Variants in NUMB observed in about 807,000 individuals in gnomAD.
NUMB encodes protein numb homolog.
NUMB carries 29 observed loss-of-function variants against 59.7 expected under a neutral mutation model. The ratio of observed to expected loss-of-function variants is 0.49; its 90% confidence interval spans 0.36 to 0.66. The LOEUF is 0.66. Ranked by LOEUF, NUMB falls within the 30% of genes least tolerant of loss-of-function variation. The pLI, the probability that NUMB is intolerant of heterozygous loss-of-function variation, is 0.00. For synonymous variants in NUMB, 288 were observed against 288.2 expected (o/e 1.00, Z 0.01); for missense variants, 723 against 822.0 (o/e 0.88, Z 1.47).
chr14:73,395,752 G>A (rs1407039652), intron 2 of NUMB, among the ~76,000 whole-genome samples: 1 of 152,194 alleles, frequency 6.6e-6, no homozygotes, highest in Non-Finnish European at 1.5e-5. Flanking sequence ...GTATTCATAT[G>A]TATAGCTACA....
chr14:73,435,998 T>A (rs1283018245), intron 1 of NUMB, among the ~76,000 whole-genome samples: 1 of 149,898 alleles, frequency 6.7e-6, no homozygotes, highest in Non-Finnish European at 1.5e-5. Flanking sequence ...AGAGCAAGAC[T>A]CTGTTTCAAA....
chr14:73,349,269 T>G (rs954434795), intron 4 of NUMB, among the ~76,000 whole-genome samples: 1 of 151,836 alleles, frequency 6.6e-6, no homozygotes, highest in Non-Finnish European at 1.5e-5. Flanking sequence ...CTGGCCAACA[T>G]GGAGAAACAC....
At chr14:73,288,038 G>A (rs17126584) in intron 8 of NUMB, among the ~76,000 whole-genome samples, 34,337 of 152,080 alleles carry the variant, frequency 0.23, 4,764 homozygotes, top group East Asian at 0.68. Flanking sequence ...CAAATTTCAG[G>A]AGCTTAATGC....
chr14:73,390,638 C>CTTTTTTTTTTTTT lies in NUMB; in HGVS notation c.-101+19286_-101+19298dup, dbSNP rs55831976. Among the ~76,000 whole-genome samples, 57 of 39,414 alleles carry CTTTTTTTTTTTTT rather than the reference C, an allele frequency of 1.4e-3. 10 individuals are homozygous for CTTTTTTTTTTTTT. Among genetic ancestry groups the CTTTTTTTTTTTTT allele is most frequent in the Non-Finnish European group, 2.3e-3 (48 of 21,182 alleles). 25.9% of individuals were successfully genotyped at this position (39,414 alleles called of 152,430 possible). On this transcript the variant is annotated intron_variant, in intron 2 of 12. Transcript: ENST00000555238. ...ATTTCCTTGAGGACAAAAACAAAGT[C>CTTTTTTTTTTTTT]TTTTTTTTTTTTTTTTTTTTTTTTT...
At chr14:73,409,847 A>C (rs1035425077) in intron 2 of NUMB, 90 bp downstream of exon 2, 3 of 152,264 alleles carry the variant, frequency 2.0e-5, no homozygotes, top group Non-Finnish European at 2.9e-5. Context: ...TTGTAAAGGC[A>C]ATAAAATGTT....
intron 2 of NUMB, among the ~76,000 whole-genome samples, chr14:73,401,296 C>T (rs1477280669): frequency 6.6e-6 from 1 of 151,874 alleles, no homozygotes; most frequent in Non-Finnish European, 1.5e-5. Context: ...GTAAGAAAGG[C>T]TGTGGGTTTG....
At chr14:73,350,078 T>TACACACACATAC (rs1555373559) in intron 4 of NUMB, among the ~76,000 whole-genome samples, 3 of 137,698 alleles carry the variant, frequency 2.2e-5, no homozygotes, top group Non-Finnish European at 4.6e-5. Context: ...CATACATACA[T>TACACACACATAC]ACACACACAC....
chr14:73,355,895 A>G (rs1208843597), intron 3 of NUMB, 129 bp from the exon 4 acceptor site: 8 of 645,064 alleles, frequency 1.2e-5, no homozygotes, highest in Admixed American at 3.0e-5. Context: ...TAAGCAATAT[A>G]TAATTATCAT....
At chr14:73,299,797 A>G (rs1367840611) in intron 6 of NUMB, among the ~76,000 whole-genome samples, 1 of 152,166 alleles carries the variant, frequency 6.6e-6, no homozygotes, top group East Asian at 1.9e-4. Context: ...AATAAGACAC[A>G]GGCAGAGCAT....
At chr14:73,287,714 T>C (rs188878952) in intron 8 of NUMB, among the ~76,000 whole-genome samples, 6 of 152,310 alleles carry the variant, frequency 3.9e-5, no homozygotes, top group Non-Finnish European at 8.8e-5. Flanking sequence ...ATGTTGCAAA[T>C]TCCAGCTTAA....
chr14:73,382,983 CA>C (rs1895324436), intron 2 of NUMB, among the ~76,000 whole-genome samples: 1 of 151,916 alleles, frequency 6.6e-6, no homozygotes, highest in African/African-American at 2.4e-5. Flanking sequence ...CTGTCTCTAC[CA>C]AAAATACAAA....
intron 8 of NUMB, among the ~76,000 whole-genome samples, chr14:73,288,733 C>T (rs918719943): frequency 6.6e-6 from 1 of 151,926 alleles, no homozygotes; most frequent in African/African-American, 2.4e-5. Flanking sequence ...ATGGCGCATG[C>T]CTGTAATCCC....
intron 4 of NUMB, among the ~76,000 whole-genome samples, chr14:73,347,883 G>T (rs1040800309): frequency 6.6e-6 from 1 of 152,048 alleles, no homozygotes; most frequent in African/African-American, 2.4e-5. Flanking sequence ...CGGTCAGTCC[G>T]CATCATTCAA....
chr14:73,374,303 G>A (rs1396185396), intron 2 of NUMB, among the ~76,000 whole-genome samples: 1 of 152,154 alleles, frequency 6.6e-6, no homozygotes, highest in African/African-American at 2.4e-5. Flanking sequence ...TTACAGGTGT[G>A]AGCTACTGCG....
At chr14:73,333,316 T>C (rs548444178) in intron 4 of NUMB, among the ~76,000 whole-genome samples, 1 of 152,254 alleles carries the variant, frequency 6.6e-6, no homozygotes, top group African/African-American at 2.4e-5. Context: ...GGCTTTGATT[T>C]GCATTTCGCT....
intron 2 of NUMB, among the ~76,000 whole-genome samples, chr14:73,373,864 T>A (rs577474991): frequency 6.6e-6 from 1 of 151,918 alleles, no homozygotes; most frequent in East Asian, 1.9e-4. Flanking sequence ...CCACCATGCT[T>A]AGCTAATTTT....
chr14:73,295,932 T>G (rs1382608725), intron 7 of NUMB, among the ~76,000 whole-genome samples: 1 of 152,192 alleles, frequency 6.6e-6, no homozygotes, highest in Non-Finnish European at 1.5e-5. Context: ...CAAAGAGCCA[T>G]TCACTAGTCC....
intron 4 of NUMB, among the ~76,000 whole-genome samples, chr14:73,353,447 G>C (rs1222922788): frequency 6.6e-6 from 1 of 150,610 alleles, no homozygotes; most frequent in Non-Finnish European, 1.5e-5. Context: ...CCAAATTTTT[G>C]ATATTACAAA....
chr14:73,346,178 T>C (rs959572631), intron 4 of NUMB, among the ~76,000 whole-genome samples: 1 of 151,962 alleles, frequency 6.6e-6, no homozygotes, highest in Non-Finnish European at 1.5e-5. Flanking sequence ...CCCTTCTCCA[T>C]TAAAAAAATT....
Sources: gnomAD v4.1 joint callset for allele counts (sites outside exome capture counted in the v4.1 genomes callset) on GRCh38, gnomAD v4.1.1 for gene constraint, MANE v1.5 for transcripts, NCBI Gene and HGNC (gene_info 2026-07-23, HGNC 2026-07-21) for gene names.